Variants in VPS13B observed in about 807,000 individuals in gnomAD.
The protein encoded by VPS13B is intermembrane lipid transfer protein VPS13B.
A neutral mutation model predicts 426.4 loss-of-function variants in VPS13B; 285 were observed. The ratio of observed to expected loss-of-function variants is 0.67; its 90% CI spans 0.61 to 0.74. The LOEUF is 0.74. Ranked by LOEUF, VPS13B falls within the 30% of genes least tolerant of loss-of-function variation. The probability of loss-of-function intolerance (pLI) is 0.00; values close to 1 mark genes in which losing one functional copy is unlikely to be tolerated. For missense variants in VPS13B, 4,537 were observed against 4,782.6 expected, an observed-to-expected ratio of 0.95 and a Z score of 1.51; for synonymous variants, 1,676 against 1,676.4, an observed-to-expected ratio of 1.00 and a Z score of 0.01.
chr8:99,797,347 C>G (rs1296775948), intron 43 of VPS13B, among the ~76,000 whole-genome samples: 1 of 152,062 alleles, frequency 6.6e-6, no homozygotes, highest in East Asian at 1.9e-4. Context: ...TCAAGCGATC[C>G]TCCTACCTCT....
At chr8:99,379,709 G>A (rs1337942832) in intron 19 of VPS13B, among the ~76,000 whole-genome samples, 1 of 151,846 alleles carries the variant, frequency 6.6e-6, no homozygotes, top group East Asian at 1.9e-4. Flanking sequence ...GATCACTTTT[G>A]TCTTCTGAAT....
At chr8:99,360,222 CTT>C (rs1563687320) in intron 19 of VPS13B, among the ~76,000 whole-genome samples, 11 of 24,870 alleles carry the variant, frequency 4.4e-4, no homozygotes, top group African/African-American at 9.7e-4. Flanking sequence ...TTCTTTCTTT[CTT>C]TCTTTCTTTC....
intron 5 of VPS13B, among the ~76,000 whole-genome samples, chr8:99,110,130 ATCT>A (rs748174821): frequency 2.1e-4 from 32 of 152,188 alleles, no homozygotes; most frequent in Non-Finnish European, 3.2e-4. Context: ...GTTTAGACAC[ATCT>A]TCTTTAATTT....
chr8:99,608,890 A>AAT (rs1002026428), intron 33 of VPS13B, among the ~76,000 whole-genome samples: 22 of 152,034 alleles, frequency 1.4e-4, no homozygotes, highest in South Asian at 8.3e-4. Context: ...GTTTTTTAAA[A>AAT]ATATATATAT....
At chr8:99,722,899 C>A (rs1336239814) in intron 39 of VPS13B, among the ~76,000 whole-genome samples, 1 of 152,272 alleles carries the variant, frequency 6.6e-6, no homozygotes, top group East Asian at 1.9e-4. Context: ...GTTTTAACTT[C>A]ATGTAAGGGC....
At chr8:99,322,885 T>C (rs1027871254) in intron 19 of VPS13B, among the ~76,000 whole-genome samples, 1 of 152,236 alleles carries the variant, frequency 6.6e-6, no homozygotes, top group Non-Finnish European at 1.5e-5. Flanking sequence ...TTCTTTCTGA[T>C]GTGTGTTATC....
chr8:99,515,401 T>C (rs1228056986), intron 29 of VPS13B, among the ~76,000 whole-genome samples: 1 of 127,052 alleles, frequency 7.9e-6, no homozygotes, highest in Non-Finnish European at 1.6e-5. Context: ...TGCTTCTGCT[T>C]CCTCCTCCTC....
intron 42 of VPS13B, among the ~76,000 whole-genome samples, chr8:99,782,813 A>C (rs955422295): frequency 6.6e-6 from 1 of 152,102 alleles, no homozygotes; most frequent in Non-Finnish European, 1.5e-5. Flanking sequence ...TTTTGAAATC[A>C]TTGCTACCAA....
chr8:99,765,662 G>T (rs1009600946), intron 39 of VPS13B, among the ~76,000 whole-genome samples: 1 of 152,234 alleles, frequency 6.6e-6, no homozygotes, highest in African/African-American at 2.4e-5. Flanking sequence ...GCTTGCAGTA[G>T]ACATTTGGCA....
chr8:99,817,692 A>G lies in VPS13B; in HGVS notation c.8250A>G (p.Ile2750Met), dbSNP rs1404661544. ...CCAAACAGAAATTGCCTTCGTACAT[A>G]CTAGAAAACAATGAACTGACGGAGC... ...LTAKQKLPSY[I>M]LENNELTELC... Residue 2750 changes from isoleucine (I) to methionine (M), a missense_variant, in exon 45 of 62, where the codon ATA becomes ATG. By Grantham distance (10) the Ile-to-Met change is conservative (BLOSUM62 1). Around this residue, in one of 2 missense-constraint regions of VPS13B, gnomAD observed 4,311 missense variants for 4,474.3 expected, o/e 0.96. Transcript: ENST00000357162. 6.2e-7 allele frequency: 1 copy of G among 1,614,126 alleles called. No homozygotes were observed. Among genetic ancestry groups the G allele is most frequent in the Non-Finnish European group, 8.5e-7 (1 of 1,179,998 alleles).
At chr8:99,208,513 T>C (rs758566772) in intron 17 of VPS13B, among the ~76,000 whole-genome samples, 2 of 152,206 alleles carry the variant, frequency 1.3e-5, no homozygotes, top group Non-Finnish European at 2.9e-5. Context: ...AAATGAAGTG[T>C]ATATCTCATA....
At chr8:99,841,754 CT>C (rs2130883051) in intron 54 of VPS13B, among the ~76,000 whole-genome samples, 1 of 152,304 alleles carries the variant, frequency 6.6e-6, no homozygotes, top group African/African-American at 2.4e-5. Context: ...AGAAACGTCT[CT>C]GGAATCTGCC....
chr8:99,288,188 C>T (rs1819547958), intron 19 of VPS13B, among the ~76,000 whole-genome samples: 1 of 151,822 alleles, frequency 6.6e-6, no homozygotes, highest in Non-Finnish European at 1.5e-5. Context: ...ATATAAGATT[C>T]CAGTTTTGTA....
At chr8:99,730,958 G>A (rs1276652891) in intron 39 of VPS13B, among the ~76,000 whole-genome samples, 1 of 152,164 alleles carries the variant, frequency 6.6e-6, no homozygotes, top group African/African-American at 2.4e-5. Context: ...GCTTCATGGA[G>A]GAGATGGTTA....
intron 39 of VPS13B, 46 bp downstream of exon 39, chr8:99,721,093 G>A (rs1470008057): frequency 1.3e-6 from 2 of 1,595,068 alleles, no homozygotes; most frequent in Admixed American, 1.7e-5. Flanking sequence ...TGTGGGAAAG[G>A]GCTGATCATA....
intron 36 of VPS13B, 64 bp downstream of exon 36, chr8:99,699,996 A>G: frequency 6.4e-7 from 1 of 1,567,656 alleles, no homozygotes; most frequent in Non-Finnish European, 8.7e-7. Context: ...ACATCTGAAA[A>G]TGCATCATTT....
chr8:99,260,805 A>T (rs1818001028), intron 17 of VPS13B, among the ~76,000 whole-genome samples: 1 of 152,080 alleles, frequency 6.6e-6, no homozygotes. Context: ...CCTTCCAAAT[A>T]AAAATACTTA....
At chr8:99,814,890 T>C (rs1164996684) in intron 44 of VPS13B, among the ~76,000 whole-genome samples, 1 of 152,160 alleles carries the variant, frequency 6.6e-6, no homozygotes, top group Non-Finnish European at 1.5e-5. Context: ...TCTTAATGAG[T>C]AGATATTAAT....
intron 2 of VPS13B, among the ~76,000 whole-genome samples, chr8:99,036,509 GTTGT>G (rs746129111): frequency 5.9e-5 from 9 of 152,084 alleles, no homozygotes; most frequent in Admixed American, 1.3e-4. Context: ...ATATATGTAT[GTTGT>G]TTATTTTTCC....
Sources: gnomAD v4.1 joint callset for allele counts (sites outside exome capture counted in the v4.1 genomes callset) on GRCh38, gnomAD v4.1.1 for gene constraint, gnomAD v4.1.1 regional missense constraint, MANE v1.5 for transcripts, NCBI Gene and HGNC (gene_info 2026-07-23, HGNC 2026-07-21) for gene names.